Variants in NCOR1 observed in about 807,000 individuals in gnomAD.
NCOR1 encodes the protein protein phosphatase 1, regulatory subunit 109.
Under a neutral mutation model 288.1 loss-of-function variants are expected in NCOR1, and 63 were observed. The ratio of observed to expected loss-of-function variants is 0.22; its 90% CI spans 0.18 to 0.27. NCOR1 has a LOEUF of 0.27. Ranked by LOEUF, NCOR1 falls within the 10% of genes least tolerant of loss-of-function variation. The pLI, the probability that NCOR1 is intolerant of heterozygous loss-of-function variation, is 1.00. For synonymous variants in NCOR1, 1,007 were observed against 1,065.9 expected (o/e 0.94, Z 1.08); for missense variants, 2,397 against 3,019.2 (o/e 0.79, Z 4.83).
At chr17:16,066,903 A>T (rs1216378996) in intron 32 of NCOR1, among the ~76,000 whole-genome samples, 1 of 152,268 alleles carries the variant, frequency 6.6e-6, no homozygotes, top group African/African-American at 2.4e-5. Flanking sequence ...AGGCACAAGT[A>T]TTCTGTGTCC....
intron 14 of NCOR1, among the ~76,000 whole-genome samples, chr17:16,129,709 C>T (rs2075307271): frequency 6.6e-6 from 1 of 152,190 alleles, no homozygotes; most frequent in Non-Finnish European, 1.5e-5. Flanking sequence ...AAGGACAAAT[C>T]ATGCCCTTTG....
chr17:16,035,530 C>CTTT (rs966987249), intron 44 of NCOR1, among the ~76,000 whole-genome samples: 39 of 118,308 alleles, frequency 3.3e-4, no homozygotes, highest in African/African-American at 1.0e-3. Flanking sequence ...TTCTCTTGTT[C>CTTT]TTTTTTTTTT....
chr17:16,095,550 C>A, intron 21 of NCOR1, among the ~76,000 whole-genome samples: 1 of 131,846 alleles, frequency 7.6e-6, no homozygotes, highest in Non-Finnish European at 1.7e-5. Context: ...GGGGGTCAGC[C>A]CCCCGCCCGG....
chr17:16,143,417 T>A (rs2077421069), intron 11 of NCOR1, among the ~76,000 whole-genome samples, 189 bp downstream of exon 11: 1 of 152,176 alleles, frequency 6.6e-6, no homozygotes, highest in African/African-American at 2.4e-5. Flanking sequence ...GCCATCTTTG[T>A]AAAATTCCAG....
At chr17:16,145,647 G>A (rs905793589) in intron 10 of NCOR1, among the ~76,000 whole-genome samples, 6 of 152,136 alleles carry the variant, frequency 3.9e-5, no homozygotes, top group South Asian at 2.1e-4. Flanking sequence ...GGGAAGTGAG[G>A]AGCGTCTCCG....
intron 8 of NCOR1, among the ~76,000 whole-genome samples, chr17:16,150,119 T>C (rs2078626745): frequency 6.6e-6 from 1 of 152,124 alleles, no homozygotes; most frequent in Admixed American, 6.5e-5. Flanking sequence ...AACAATGACA[T>C]GCAGGTTCAA....
chr17:16,138,136 C>G (rs772064078), intron 13 of NCOR1, 22 bp downstream of exon 13: 2 of 1,597,554 alleles, frequency 1.3e-6, no homozygotes, highest in South Asian at 1.1e-5. Context: ...TACAAACACT[C>G]CCAATGCAAA....
rs201650688 is a variant in NCOR1 at position 16,121,191 on chromosome 17, C to A, written c.1713G>T (p.Gly571=). The A allele has an allele frequency of 2.4e-5, 38 of 1,614,006 alleles. No homozygotes were observed. The East Asian group carries it at 7.4e-4, about 31-fold the overall frequency. ...TEEREQATPR[G]RKTANSQGRR... is the part of the protein sequence containing the mutation. Reference sequence around the variant, plus strand: ...GGCCCTGACTGTTGGCAGTCTTTCGCCCCCGGGGTGTGGCTTGCTCTCTTT... The same window carrying A: ...GGCCCTGACTGTTGGCAGTCTTTCGACCCCGGGGTGTGGCTTGCTCTCTTT... The change falls in exon 16 of 46, where the codon GGG becomes GGT. Residue 571 remains glycine (G), a synonymous_variant. Transcript: ENST00000268712.
In NCOR1 at chr17:16,215,466, C is replaced by G; in HGVS notation, c.-175G>C. 2.5e-6 allele frequency: 1 copy of G among 398,118 alleles called. No individual in the cohort carries two copies. The highest frequency in any genetic ancestry group is 4.4e-6 in the Non-Finnish European group (1 of 225,810). The allele number at this position is 398,118 out of a possible 1,614,324, so 24.7% of individuals were successfully genotyped here. The stretch of plus-strand genomic sequence containing the variant: ...CGGGACCTCGTTCGGCGCGGCGAGT[C>G]GGACGCTCACTCCAGCCGCCGCCGC... On this transcript the variant is annotated 5_prime_UTR_variant, in exon 1 of 46. Coordinates refer to ENST00000268712, the MANE Select transcript of NCOR1 (RefSeq NM_006311.4).
At chr17:16,146,611 T>C (rs2078030726) in intron 9 of NCOR1, 63 bp from the exon 10 acceptor site, 2 of 1,356,016 alleles carry the variant, frequency 1.5e-6, no homozygotes, top group Non-Finnish European at 2.0e-6. Flanking sequence ...ACAAACCTAA[T>C]ACTTTAAAAT....
At chr17:16,049,704 C>T (rs753410200) in intron 40 of NCOR1, among the ~76,000 whole-genome samples, 19 of 151,690 alleles carry the variant, frequency 1.3e-4, no homozygotes, top group Admixed American at 3.9e-4. Context: ...CTCAGCCTCC[C>T]GAGCAGCTGG....
At position 16,070,536 on chromosome 17, in the gene NCOR1, A is replaced by G. The variant is rs1435588062; in HGVS notation, c.4153-11T>C. The G allele has an allele frequency of 1.2e-6, 2 of 1,608,380 alleles. No individual in the cohort carries two copies. Among genetic ancestry groups the G allele is most frequent in the Admixed American group, 3.4e-5 (2 of 59,626 alleles). On this transcript the variant is annotated splice_polypyrimidine_tract_variant and intron_variant, in intron 30 of 45. Coordinates refer to ENST00000268712, the MANE Select transcript of NCOR1 (RefSeq NM_006311.4). ...CTTTATTGGTGTGCCCTAAAGGGAA[A>G]GAAACAAACATTACAGGTAGCAAAG...
intron 21 of NCOR1, among the ~76,000 whole-genome samples, chr17:16,098,156 T>C (rs970978559): frequency 1.3e-5 from 2 of 152,156 alleles, no homozygotes; most frequent in Admixed American, 1.3e-4. Context: ...GATGAAAAGG[T>C]CCTGGGGATC....
Position 16,061,886 on chromosome 17 carries a change from G to A in NCOR1, c.5396C>T (p.Pro1799Leu). ...PTAQLRIMPL[P>L]AGGPSISQGL... ...TTGGCTTATTGAAGGGCCCCCAGCA[G>A]GCAGTGGCCTGTAAATAAAACCAAA... Residue 1799 changes from proline to leucine, a missense_variant, in exon 37 of 46, where the codon CCT becomes CTT. Transcript: ENST00000268712. The A allele has an allele frequency of 6.2e-7, 1 of 1,604,602 alleles. No homozygotes were observed. The highest frequency in any genetic ancestry group is 8.5e-7 in the Non-Finnish European group (1 of 1,175,118).
rs1037799845 is a variant in NCOR1 at position 16,066,113 on chromosome 17, A to C, written c.4742-419T>G. On this transcript the variant is annotated intron_variant, in intron 32 of 45. Coordinates refer to ENST00000268712, the MANE Select transcript of NCOR1 (RefSeq NM_006311.4). ...CTTTACTCTCCAGGGGGTGAAAATG[A>C]TTATAGACTATAAGCATTTAATTAG... 3.3e-5 allele frequency among the ~76,000 whole-genome samples: 5 copies of C among 152,348 alleles called. No homozygotes were observed. The South Asian group carries it at 1.0e-3, about 32-fold the overall frequency.
intron 14 of NCOR1, among the ~76,000 whole-genome samples, chr17:16,136,442 C>G (rs547909355): frequency 1.4e-3 from 217 of 152,242 alleles, no homozygotes; most frequent in African/African-American, 4.7e-3. Context: ...TGCTCTGGCC[C>G]CAGCCTCCCA....
In NCOR1 at chr17:16,071,518, C is replaced by G; in HGVS notation, c.4043G>C (p.Gly1348Ala). The G allele has an allele frequency of 6.2e-7, 1 of 1,614,050 alleles. No individual in the cohort carries two copies. The highest frequency in any genetic ancestry group is 8.5e-7 in the Non-Finnish European group (1 of 1,180,006). The stretch of plus-strand genomic sequence containing the variant: ...CCTTGGAATCTCATGAATGGAACGC[C>G]CCATTTCTTTGATGGTGGTGATGCC... The part of the protein sequence containing the change: ...YDGITTIKEM[G>A]RSIHEIPRQD... Residue 1348 changes from glycine (G) to alanine (A), a missense_variant, in exon 30 of 46, where the codon GGG (glycine) becomes GCG (alanine). Gly to Ala is a moderately conservative substitution (Grantham distance 60, BLOSUM62 0). Coordinates refer to ENST00000268712, the MANE Select transcript of NCOR1 (RefSeq NM_006311.4).
rs1287908680 is a variant in NCOR1, at chr17:16,139,016, A to G, written c.1344T>C (p.Phe448=). 2 of 1,552,158 alleles carry G rather than the reference A, an allele frequency of 1.3e-6. No homozygotes were observed. Among genetic ancestry groups the G allele is most frequent in the Non-Finnish European group, 1.7e-6 (2 of 1,146,194 alleles). The stretch of plus-strand genomic sequence containing the variant: ...TTTAAAATATAAATTACTTGTCCTT[A>G]AAGATCTCCTTTTCATGGTCAGTCC... ...NVWTDHEKEI[F]KDKFIQHPKN... Residue 448 remains phenylalanine (F), a synonymous_variant, in exon 12 of 46, where the codon TTT becomes TTC. Coordinates refer to ENST00000268712, the MANE Select transcript of NCOR1 (RefSeq NM_006311.4).
At chr17:16,081,529 T>C (rs944947896) in intron 23 of NCOR1, among the ~76,000 whole-genome samples, 2 of 152,216 alleles carry the variant, frequency 1.3e-5, no homozygotes, top group Non-Finnish European at 2.9e-5. Context: ...TGCAAACCTA[T>C]GGTGGCTGCC....
Sources: gnomAD v4.1 joint callset for allele counts (sites outside exome capture counted in the v4.1 genomes callset) on GRCh38, gnomAD v4.1.1 for gene constraint, MANE v1.5 for transcripts, NCBI Gene and HGNC (gene_info 2026-07-23, HGNC 2026-07-21) for gene names.